DLG2: variants seen among roughly 807,000 people sequenced by gnomAD.
The protein encoded by DLG2 is disks large homolog 2.
DLG2 carries 45 observed loss-of-function variants against 132.5 expected under a neutral mutation model. The ratio of observed to expected loss-of-function variants is 0.34; its 90% CI spans 0.27 to 0.44. The LOEUF (loss-of-function observed/expected upper bound fraction) is 0.44. Ranked by LOEUF, DLG2 falls within the 20% of genes least tolerant of loss-of-function variation. The pLI is 1.00. For synonymous variants in DLG2, 424 were observed against 419.6 expected (o/e 1.01, Z -0.13); for missense variants, 1,045 against 1,196.9 (o/e 0.87, Z 1.87).
chr11:84,790,690 G>A (rs995358891), intron 6 of DLG2, among the ~76,000 whole-genome samples: 12 of 152,150 alleles, frequency 7.9e-5, no homozygotes, highest in African/African-American at 2.9e-4. Context: ...TTTCCCTTAT[G>A]TTTCCTTGTA....
intron 6 of DLG2, among the ~76,000 whole-genome samples, chr11:85,106,098 G>C (rs1387613646): frequency 6.6e-6 from 1 of 151,934 alleles, no homozygotes; most frequent in Non-Finnish European, 1.5e-5. Context: ...ATGTGAGGCA[G>C]TCTGGGAGAG....
At chr11:83,776,941 G>C (rs1050011744) in intron 18 of DLG2, among the ~76,000 whole-genome samples, 1 of 152,080 alleles carries the variant, frequency 6.6e-6, no homozygotes, top group Non-Finnish European at 1.5e-5. Flanking sequence ...TTAAGATTTT[G>C]GATCCAAGTT....
intron 8 of DLG2, among the ~76,000 whole-genome samples, chr11:84,244,228 G>A (rs2097272093): frequency 6.6e-6 from 1 of 152,024 alleles, no homozygotes; most frequent in East Asian, 1.9e-4. Context: ...TCTCACCCAG[G>A]GTGGGAGTGC....
intron 4 of DLG2, among the ~76,000 whole-genome samples, chr11:85,244,441 G>A (rs1026559080): frequency 6.6e-6 from 1 of 151,818 alleles, no homozygotes; most frequent in South Asian, 2.1e-4. Flanking sequence ...TTATGCATTG[G>A]GGCAACAATA....
At chr11:84,743,263 A>G (rs1355452225) in intron 6 of DLG2, among the ~76,000 whole-genome samples, 1 of 152,204 alleles carries the variant, frequency 6.6e-6, no homozygotes, top group Non-Finnish European at 1.5e-5. Flanking sequence ...CCCAGGAAAG[A>G]AAATTCATAT....
chr11:85,172,317 G>A (rs1566965406), intron 4 of DLG2, among the ~76,000 whole-genome samples: 1 of 152,178 alleles, frequency 6.6e-6, no homozygotes, highest in Non-Finnish European at 1.5e-5. Context: ...GTGCTGAAGG[G>A]AACAAGGTGA....
intron 6 of DLG2, among the ~76,000 whole-genome samples, chr11:85,029,892 G>A (rs1341793059): frequency 3.3e-5 from 5 of 152,174 alleles, no homozygotes; most frequent in Non-Finnish European, 5.9e-5. Context: ...GTGTATGTGT[G>A]TATTTTTAGT....
intron 7 of DLG2, among the ~76,000 whole-genome samples, chr11:84,524,893 C>T (rs2099315664): frequency 1.4e-5 from 2 of 146,504 alleles, no homozygotes; most frequent in South Asian, 4.3e-4. Context: ...TATTTTAAAA[C>T]ATCTGCTATT....
chr11:84,472,592 T>G (rs1266552841), intron 7 of DLG2, among the ~76,000 whole-genome samples: 1 of 151,930 alleles, frequency 6.6e-6, no homozygotes, highest in African/African-American at 2.4e-5. Flanking sequence ...AAATCTGAAT[T>G]ATTGGCAAAA....
intron 16 of DLG2, among the ~76,000 whole-genome samples, chr11:83,851,349 G>A (rs1470049436): frequency 1.3e-5 from 2 of 152,150 alleles, no homozygotes; most frequent in East Asian, 3.9e-4. Context: ...CCAGGGCTGG[G>A]CGGGGTGGCT....
chr11:83,984,192 T>TGATA lies in DLG2; in HGVS notation c.920-3554_920-3551dup, dbSNP rs56166694. Among the ~76,000 whole-genome samples the TGATA allele has an allele frequency of 3.6e-3, 514 of 142,150 alleles. 1 individual carries two copies. Among genetic ancestry groups the TGATA allele is most frequent in the South Asian group, 9.6e-3 (43 of 4,460 alleles). The allele number at this position is 142,150 out of a possible 152,430, so 93.3% of individuals were successfully genotyped here. On this transcript the variant is annotated intron_variant, in intron 11 of 27. Transcript: ENST00000376104. ...ACTATGGATACTGTAGATAGATAGA[T>TGATA]GATAGATAGATAGATAGATAGATAG...
intron 6 of DLG2, among the ~76,000 whole-genome samples, chr11:84,818,206 G>A (rs1181399678): frequency 6.6e-6 from 1 of 152,006 alleles, no homozygotes; most frequent in African/African-American, 2.4e-5. Context: ...CAGGCATTCT[G>A]CCCTTAGGAA....
chr11:85,543,906 T>C (rs1598403653), intron 3 of DLG2, among the ~76,000 whole-genome samples: 2 of 152,144 alleles, frequency 1.3e-5, no homozygotes, highest in Non-Finnish European at 2.9e-5. Flanking sequence ...GCCAGATGGA[T>C]AGATTGCAAA....
intron 19 of DLG2, among the ~76,000 whole-genome samples, chr11:83,604,353 T>A (rs1337067602): frequency 6.6e-6 from 1 of 152,246 alleles, no homozygotes; most frequent in African/African-American, 2.4e-5. Flanking sequence ...ATTTCAAGTG[T>A]GTTCTTGGAA....
At chr11:84,714,553 C>CTCTCTCTCTCTTTCTCTT (rs1391760351) in intron 6 of DLG2, among the ~76,000 whole-genome samples, 12 of 109,200 alleles carry the variant, frequency 1.1e-4, no homozygotes, top group South Asian at 3.1e-4. Flanking sequence ...TTCTCTTTCT[C>CTCTCTCTCTCTTTCTCTT]TCTCTTTCTC....
At chr11:85,412,760 C>CACACACACACATAT (rs756868795) in intron 3 of DLG2, among the ~76,000 whole-genome samples, 20 of 113,274 alleles carry the variant, frequency 1.8e-4, no homozygotes, top group African/African-American at 4.4e-4. Flanking sequence ...CACACACACA[C>CACACACACACATAT]ATATATATAT....
intron 17 of DLG2, among the ~76,000 whole-genome samples, chr11:83,795,643 A>T (rs1227671328): frequency 2.6e-5 from 4 of 151,348 alleles, no homozygotes; most frequent in Admixed American, 6.6e-5. Context: ...CCAAGGTCAA[A>T]TTTTTTTTCT....
intron 15 of DLG2, among the ~76,000 whole-genome samples, chr11:83,883,314 C>T (rs902615879): frequency 1.4e-4 from 21 of 151,958 alleles, no homozygotes; most frequent in African/African-American, 3.1e-4. Context: ...TTTGGCATAC[C>T]GAATTGACTT....
intron 6 of DLG2, among the ~76,000 whole-genome samples, chr11:84,618,824 C>G (rs888678863): frequency 6.6e-6 from 1 of 151,936 alleles, no homozygotes; most frequent in Non-Finnish European, 1.5e-5. Flanking sequence ...TGTAGACTTA[C>G]AAGGACTTTA....
Sources: gnomAD v4.1 joint callset for allele counts (sites outside exome capture counted in the v4.1 genomes callset) on GRCh38, gnomAD v4.1.1 for gene constraint, MANE v1.5 for transcripts, NCBI Gene and HGNC (gene_info 2026-07-23, HGNC 2026-07-21) for gene names.